SLX4: variants seen among roughly 807,000 people sequenced by gnomAD.
The protein encoded by SLX4 is SLX4 structure-specific endonuclease subunit, also known as structure-specific endonuclease subunit SLX4.
SLX4 carries 112 observed loss-of-function variants against 146.2 expected under a neutral mutation model. The observed-to-expected ratio is 0.77, with a 90% CI of 0.66 to 0.90. The LOEUF (loss-of-function observed/expected upper bound fraction) is 0.90, where lower values mean the gene tolerates loss of function less well. Ranked by LOEUF, SLX4 falls within the 40% of genes least tolerant of loss-of-function variation. The probability of loss-of-function intolerance (pLI) is 0.00; values close to 1 mark genes in which losing one functional copy is unlikely to be tolerated. For missense variants in SLX4, 2,563 were observed against 2,392.7 expected (o/e 1.07, Z -1.49); for synonymous variants, 1,061 against 997.7 (o/e 1.06, Z -1.20).
chr16:3,602,076 G>A, intron 4 of SLX4, 42 bp downstream of exon 4: 6 of 1,612,958 alleles, frequency 3.7e-6, no homozygotes, highest in Non-Finnish European at 5.1e-6. Context: ...TGGGGATTCT[G>A]GTCACATACA....
At chr16:3,603,196 G>A (rs1284602555) in intron 3 of SLX4, among the ~76,000 whole-genome samples, 1 of 152,156 alleles carries the variant, frequency 6.6e-6, no homozygotes, top group East Asian at 1.9e-4. Context: ...TGGGATTACA[G>A]GTGCCCACCA....
chr16:3,589,360 G>T lies in SLX4; in HGVS notation c.4278C>A (p.Cys1426Ter). 1 of 1,585,064 alleles carries T rather than the reference G, an allele frequency of 6.3e-7. No homozygotes were observed. Among genetic ancestry groups the T allele is most frequent in the Non-Finnish European group, 8.6e-7 (1 of 1,162,646 alleles). Residue 1426 changes from cysteine (C) to a stop codon, truncating the protein, a stop_gained, in exon 12 of 15, where the codon TGC (cysteine) becomes TGA (stop). Transcript: ENST00000294008. LOFTEE classifies it high-confidence loss of function. This position sits in a 1 kb window ranked among gnomAD's most constrained non-coding sequence, Gnocchi z 6.2. ...GCGAGAGGGGCTCCATGTGCCAGCAGCAGTCGTCAATTGGAATTGGGGGGT... is the reference window on the plus strand; with the variant it reads ...GCGAGAGGGGCTCCATGTGCCAGCATCAGTCGTCAATTGGAATTGGGGGGT... ...DSDPPIPIDDCCWHMEPLSPI... is the reference protein window; with the variant it reads ...DSDPPIPIDD
At chr16:3,592,926 C>CA in intron 10 of SLX4, 61 bp from the exon 11 acceptor site, 1 of 1,546,008 alleles carries the variant, frequency 6.5e-7, no homozygotes, top group Non-Finnish European at 8.8e-7. Flanking sequence ...TGGAGCAAAG[C>CA]AGACGGTCTG....
chr16:3,596,321 CG>C lies in SLX4; in HGVS notation c.1755del (p.Ala586LeufsTer38). ...EHSELSERRS[P>X]ALHGTPTAGC... is the part of the protein sequence containing the mutation. Reference sequence around the variant, plus strand: ...CCTGCAGTGGGGGTGCCGTGGAGAGCGGGTGACCTTCGCTCGCTCAGCTCTG... The same window carrying C: ...CCTGCAGTGGGGGTGCCGTGGAGAGCGGTGACCTTCGCTCGCTCAGCTCTG... On this transcript the variant is annotated frameshift_variant, in exon 8 of 15. Transcript: ENST00000294008. LOFTEE classifies it high-confidence loss of function. 1 of 1,583,510 alleles carries C rather than the reference CG, an allele frequency of 6.3e-7. No individual in the cohort carries two copies. The highest frequency in any genetic ancestry group is 8.6e-7 in the Non-Finnish European group (1 of 1,165,492).
chr16:3,597,441 C>T lies in SLX4; in HGVS notation c.1621G>A (p.Ala541Thr), dbSNP rs1310146112. The T allele has an allele frequency of 1.2e-6, 2 of 1,610,628 alleles. No homozygotes were observed. The highest frequency in any genetic ancestry group is 2.7e-5 in the African/African-American group (2 of 75,024). ...CTGGCCGTGTAGAAGTCCTCCATGG[C>T]CCAGGCCCCAGTCAGTGCGCTGCCC... ...WEGSALTGAW[A>T]MEDFYTARLV... The change falls in exon 7 of 15, where the codon GCC becomes ACC. Residue 541 changes from alanine (A) to threonine (T), a missense_variant. By Grantham distance (58) the Ala-to-Thr change is moderately conservative. Transcript: ENST00000294008. The surrounding 1 kb of genome is among the most constrained non-coding windows in gnomAD (Gnocchi z 4.4).
At chr16:3,588,060 T>C (rs2040528234) in intron 12 of SLX4, among the ~76,000 whole-genome samples, 1 of 152,152 alleles carries the variant, frequency 6.6e-6, no homozygotes, top group Non-Finnish European at 1.5e-5. Context: ...CTCTCACACT[T>C]GTCCCACCTG....
chr16:3,599,838 G>C lies in SLX4; in HGVS notation c.1163+1141C>G, dbSNP rs1028425164. Among the ~76,000 whole-genome samples the C allele has an allele frequency of 1.3e-4, 20 of 152,244 alleles. No individual in the cohort carries two copies. The East Asian group carries it at 2.9e-3, about 22-fold the overall frequency. On this transcript the variant is annotated intron_variant, in intron 5 of 14. Coordinates refer to ENST00000294008, the MANE Select transcript of SLX4 (RefSeq NM_032444.4). ...TGGGCTCAAGTGATCCTTCCGCCCT[G>C]GCCTCCCAAAGTATTGAGATTACAG...
Position 3,601,204 on chromosome 16 carries a change from A to G in SLX4, c.951-13T>C. On this transcript the variant is annotated splice_polypyrimidine_tract_variant and intron_variant, in intron 4 of 14. Coordinates refer to ENST00000294008, the MANE Select transcript of SLX4 (RefSeq NM_032444.4). ...TTCATCCAAGCACCTGAAGGAAAAC[A>G]GTCAATACAGGAGAACCACCCTCCC... The G allele has an allele frequency of 6.2e-7, 1 of 1,613,828 alleles. No individual in the cohort carries two copies. The highest frequency in any genetic ancestry group is 8.5e-7 in the Non-Finnish European group (1 of 1,179,842).
At chr16:3,588,321 A>G (rs2040531784) in intron 12 of SLX4, among the ~76,000 whole-genome samples, 1 of 152,202 alleles carries the variant, frequency 6.6e-6, no homozygotes, top group African/African-American at 2.4e-5. Flanking sequence ...CCATGAGTGC[A>G]GACAGTACAT....
At chr16:3,586,490 C>A (rs1012486948) in intron 12 of SLX4, among the ~76,000 whole-genome samples, 1 of 151,950 alleles carries the variant, frequency 6.6e-6, no homozygotes, top group African/African-American at 2.4e-5. Flanking sequence ...CACTGCACTT[C>A]AGCCTGGGTG....
rs964099002 is a variant in SLX4 at position 3,582,267 on chromosome 16, G to A, written c.*75C>T. Reference sequence around the variant, plus strand: ...TGTGGAGGCCTGACCCACGCTGGGTGTCCCAGGTCCTCCCTGCAAATGGCG... The same window carrying A: ...TGTGGAGGCCTGACCCACGCTGGGTATCCCAGGTCCTCCCTGCAAATGGCG... On this transcript the variant is annotated 3_prime_UTR_variant, in exon 15 of 15. Transcript: ENST00000294008. 9.6e-6 allele frequency: 13 copies of A among 1,355,456 alleles called. No individual in the cohort carries two copies. Among genetic ancestry groups the A allele is most frequent in the Non-Finnish European group, 1.3e-5 (13 of 978,904 alleles). The allele number at this position is 1,355,456 out of a possible 1,614,324, so 84.0% of individuals were successfully genotyped here.
At chr16:3,600,037 A>G (rs997033023) in intron 5 of SLX4, among the ~76,000 whole-genome samples, 37 of 152,296 alleles carry the variant, frequency 2.4e-4, no homozygotes, top group Middle Eastern at 3.4e-3. Context: ...GTAGTCCCCA[A>G]CCTTTTTGGT....
intron 2 of SLX4, among the ~76,000 whole-genome samples, chr16:3,607,003 C>G (rs2040793595): frequency 6.6e-6 from 1 of 152,172 alleles, no homozygotes; most frequent in African/African-American, 2.4e-5. Context: ...TGTGAATATA[C>G]TAAAAACCAC....
intron 3 of SLX4, among the ~76,000 whole-genome samples, chr16:3,603,209 C>T (rs2040747122): frequency 6.6e-6 from 1 of 152,162 alleles, no homozygotes; most frequent in African/African-American, 2.4e-5. Context: ...GCCCACCACA[C>T]CTGGCTAATT....
At position 3,582,623 on chromosome 16, in the gene SLX4, CACTG is replaced by C. The variant is rs748501466; in HGVS notation, c.5220_5223del (p.Ser1741ProfsTer15). 1 of 1,613,574 alleles carries C rather than the reference CACTG, an allele frequency of 6.2e-7. No homozygotes were observed. The highest frequency in any genetic ancestry group is 1.1e-5 in the South Asian group (1 of 91,090). ...GCCGCCTGCACGGCTGCCTGCGAGG[CACTG>C]ACCTCCCCCTCGCCCTCCTCTTCAC... On this transcript the variant is annotated frameshift_variant, in exon 15 of 15. Coordinates refer to ENST00000294008, the MANE Select transcript of SLX4 (RefSeq NM_032444.4). LOFTEE classifies it low-confidence loss of function (END_TRUNC).
chr16:3,583,870 G>A (rs1049603955), intron 13 of SLX4, among the ~76,000 whole-genome samples: 1 of 152,060 alleles, frequency 6.6e-6, no homozygotes, highest in East Asian at 1.9e-4. Flanking sequence ...AGGCGTGGTG[G>A]TGTCACCTGT....
rs763209133 is a variant in SLX4, at chr16:3,590,898, C to T, written c.2740G>A (p.Asp914Asn). Residue 914 changes from aspartate to asparagine, a missense_variant, in exon 12 of 15, where the codon GAT (aspartate) becomes AAT (asparagine). By Grantham distance (23) the Asp-to-Asn change is conservative. Transcript: ENST00000294008. This position sits in a 1 kb window ranked among gnomAD's most constrained non-coding sequence, Gnocchi z 4.8. ...TTCTCCCAGGTGGTGGCGGCCTCAT[C>T]TCTTCCTGGCTCCAACGGCTCCATC... The part of the protein sequence containing the change: ...EEMEPLEPGR[D>N]EAATTWEKMG... The T allele has an allele frequency of 1.9e-6, 3 of 1,614,136 alleles. No individual in the cohort carries two copies. The highest frequency in any genetic ancestry group is 1.1e-5 in the South Asian group (1 of 91,084).
rs1322780579 is a variant in SLX4 at position 3,597,343 on chromosome 16, A to G, written c.1683+36T>C. The G allele has an allele frequency of 6.0e-6, 9 of 1,488,072 alleles. No individual in the cohort carries two copies. The highest frequency in any genetic ancestry group is 2.8e-5 in the African/African-American group (2 of 71,550). The allele number at this position is 1,488,072 out of a possible 1,614,324, so 92.2% of individuals were successfully genotyped here. ...AGTTCTGGGATTGCCAACCTCCCCCAAAAGCCTATCCATGTGCCTGAGGGG... is the reference window on the plus strand; with the variant it reads ...AGTTCTGGGATTGCCAACCTCCCCCGAAAGCCTATCCATGTGCCTGAGGGG... On this transcript the variant is annotated intron_variant, in intron 7 of 14. Transcript: ENST00000294008. The surrounding 1 kb of genome is among the most constrained non-coding windows in gnomAD (Gnocchi z 4.4).
At chr16:3,607,292 C>A (rs540703552) in intron 2 of SLX4, among the ~76,000 whole-genome samples, 2 of 152,244 alleles carry the variant, frequency 1.3e-5, no homozygotes, top group Non-Finnish European at 2.9e-5. Flanking sequence ...TGAGGCAACA[C>A]TGCTGATGCC....
Sources: allele counts gnomAD v4.1 joint callset (sites outside exome capture counted in the v4.1 genomes callset), GRCh38; gene constraint gnomAD v4.1.1; non-coding constraint Gnocchi (gnomAD v3.1); transcripts MANE v1.5; gene names NCBI Gene and HGNC (gene_info 2026-07-23, HGNC 2026-07-21).